The following CACNA2D1 variants were observed in gnomAD, a reference collection of about 807,000 sequenced individuals.
CACNA2D1 encodes the protein voltage-dependent calcium channel subunit alpha-2/delta-1.
A neutral mutation model predicts 171.5 loss-of-function variants in CACNA2D1; 53 were observed. That is an observed-to-expected ratio of 0.31 (90% CI 0.25 to 0.39). CACNA2D1 has a LOEUF of 0.39. Among genes scored for constraint, CACNA2D1 ranks in the 10% least tolerant of loss-of-function variants. The probability of loss-of-function intolerance (pLI) is 1.00; values close to 1 mark genes in which losing one functional copy is unlikely to be tolerated. For missense variants in CACNA2D1, 903 were observed against 1,299.8 expected (o/e 0.69, Z 4.69); for synonymous variants, 442 against 443.1 (o/e 1.00, Z 0.03).
At chr7:82,180,112 G>C (rs562375055) in intron 3 of CACNA2D1, among the ~76,000 whole-genome samples, 1 of 152,224 alleles carries the variant, frequency 6.6e-6, no homozygotes, top group African/African-American at 2.4e-5. Flanking sequence ...CATGAACAGA[G>C]GCAAAGAGAG....
At chr7:82,114,330 C>T in intron 6 of CACNA2D1, among the ~76,000 whole-genome samples, 1 of 152,134 alleles carries the variant, frequency 6.6e-6, no homozygotes, top group Non-Finnish European at 1.5e-5. Context: ...AATGCAGATT[C>T]TAATGCAAAG....
At chr7:82,002,880 CAA>C (rs940539693) in intron 18 of CACNA2D1, among the ~76,000 whole-genome samples, 2 of 136,606 alleles carry the variant, frequency 1.5e-5, no homozygotes, top group Admixed American at 7.4e-5. Flanking sequence ...TCATCTTCTA[CAA>C]AAAAAAAAAG....
At position 82,198,690 on chromosome 7, in the gene CACNA2D1, A is replaced by T. The variant is rs1355713372; in HGVS notation, c.295-28081T>A. ...AACTTTTTTTTTTTTTTTTAAGTGG[A>T]TACCCTTGCTTTCTGGAATTCCCAT... is the stretch of plus-strand genomic sequence containing the variant. On this transcript the variant is annotated intron_variant, in intron 3 of 38. Transcript: ENST00000356860. Among the ~76,000 whole-genome samples, 8 of 149,928 alleles carry T rather than the reference A, an allele frequency of 5.3e-5. 1 individual carries two copies. The South Asian group carries it at 1.5e-3, about 28-fold the overall frequency.
intron 3 of CACNA2D1, among the ~76,000 whole-genome samples, chr7:82,254,612 A>C (rs1416456603): frequency 6.6e-6 from 1 of 152,176 alleles, no homozygotes; most frequent in Non-Finnish European, 1.5e-5. Flanking sequence ...AGGAGGAAGA[A>C]ATAAAAGCAT....
intron 3 of CACNA2D1, among the ~76,000 whole-genome samples, chr7:82,196,096 C>T (rs1798827613): frequency 6.6e-6 from 1 of 152,106 alleles, no homozygotes; most frequent in East Asian, 1.9e-4. Context: ...CATCTTGATC[C>T]CCCTACCCAC....
chr7:81,979,823 A>C (rs947000081), intron 24 of CACNA2D1, among the ~76,000 whole-genome samples: 12 of 152,090 alleles, frequency 7.9e-5, no homozygotes, highest in Non-Finnish European at 1.5e-4. Context: ...TTTTAAGAAT[A>C]TTCTTTATAT....
At chr7:82,332,122 A>G (rs541636308) in intron 3 of CACNA2D1, among the ~76,000 whole-genome samples, 1 of 152,170 alleles carries the variant, frequency 6.6e-6, no homozygotes, top group Admixed American at 6.5e-5. Flanking sequence ...GTGCAGTGGC[A>G]TGGTCTCAGC....
chr7:82,051,122 G>A (rs904408607), intron 10 of CACNA2D1: 3 of 154,462 alleles, frequency 1.9e-5, no homozygotes, highest in African/African-American at 7.5e-5. Flanking sequence ...ACTGTGGGAA[G>A]CAAAGACTTT....
chr7:82,030,048 T>C (rs1052751158), intron 12 of CACNA2D1: 1 of 151,862 alleles, frequency 6.6e-6, no homozygotes, highest in African/African-American at 2.4e-5. Context: ...TTATTAGTTT[T>C]ATAAAAGTAC....
At chr7:81,963,974 C>T (rs1794437470) in intron 34 of CACNA2D1, 82 bp downstream of exon 34, 1 of 1,149,442 alleles carries the variant, frequency 8.7e-7, no homozygotes. Flanking sequence ...TGAATATCCC[C>T]TAAATCCATA....
Position 82,272,285 on chromosome 7 carries a change from C to T in CACNA2D1, c.294+62850G>A, listed in dbSNP as rs542712900. On this transcript the variant is annotated intron_variant, in intron 3 of 38. Coordinates refer to ENST00000356860, the MANE Select transcript of CACNA2D1 (RefSeq NM_000722.4). ...TTTTGTACTATAGGTAGTCCAGTGG[C>T]GGCATCAGTCATCCAATAGTAATAA... Among the ~76,000 whole-genome samples, 5 of 152,142 alleles carry T rather than the reference C, an allele frequency of 3.3e-5. No homozygotes were observed. In the South Asian group the frequency reaches 6.2e-4, roughly 19 times the overall value.
chr7:82,369,837 CA>C (rs1822171021), intron 1 of CACNA2D1, among the ~76,000 whole-genome samples: 1 of 151,818 alleles, frequency 6.6e-6, no homozygotes, highest in African/African-American at 2.4e-5. Flanking sequence ...TCAATTAAAA[CA>C]AAAAGAAAAC....
intron 3 of CACNA2D1, among the ~76,000 whole-genome samples, chr7:82,306,877 CAAA>C (rs56102718): frequency 0.18 from 24,138 of 134,270 alleles, 1,999 homozygotes; most frequent in South Asian, 0.29. Context: ...CGAAAAAATA[CAAA>C]AAAAAAAAAA....
Position 82,060,187 on chromosome 7 carries a change from ATATTATATATATATTATATAT to A in CACNA2D1, c.879+220_879+240del, listed in dbSNP as rs1359632330. The stretch of plus-strand genomic sequence containing the variant: ...TATAATATATATATATAATATATAT[ATATTATATATATATTATATAT>A]ATAATATATATATAATATATATATA... On this transcript the variant is annotated intron_variant, in intron 10 of 38. Coordinates refer to ENST00000356860, the MANE Select transcript of CACNA2D1 (RefSeq NM_000722.4). Among the ~76,000 whole-genome samples, 15 of 13,098 alleles carry A rather than the reference ATATTATATATATATTATATAT, an allele frequency of 1.1e-3. 3 individuals carry two copies. In the East Asian group the frequency reaches 0.054, roughly 47 times the overall value. The allele number at this position is 13,098 out of a possible 152,430, so 8.6% of individuals were successfully genotyped here. A position where few individuals can be genotyped will look rare whatever the true frequency, so the allele number is the denominator to read the frequency against.
At chr7:82,205,384 T>A (rs767622573) in intron 3 of CACNA2D1, among the ~76,000 whole-genome samples, 10 of 152,120 alleles carry the variant, frequency 6.6e-5, no homozygotes, top group African/African-American at 2.4e-4. Context: ...CTGCTCCTAT[T>A]AGAGTAGTAA....
chr7:82,242,805 A>T (rs1804468030), intron 3 of CACNA2D1, among the ~76,000 whole-genome samples: 1 of 60,528 alleles, frequency 1.7e-5, no homozygotes, highest in Non-Finnish European at 3.1e-5. Flanking sequence ...TATGAGTCAG[A>T]CTCAATACTG....
At chr7:82,051,268 A>G (rs1017004465) in intron 10 of CACNA2D1, among the ~76,000 whole-genome samples, 31 of 152,168 alleles carry the variant, frequency 2.0e-4, no homozygotes, top group African/African-American at 6.8e-4. Context: ...AAAAGCTTCC[A>G]GCTGGGAAAG....
At chr7:82,072,720 A>G (rs1808469474) in intron 7 of CACNA2D1, among the ~76,000 whole-genome samples, 1 of 152,134 alleles carries the variant, frequency 6.6e-6, no homozygotes, top group Middle Eastern at 3.4e-3. Flanking sequence ...TGTAGAAATT[A>G]AAATCATGAA....
At chr7:82,192,827 T>C (rs1331026446) in intron 3 of CACNA2D1, among the ~76,000 whole-genome samples, 25 of 150,354 alleles carry the variant, frequency 1.7e-4, no homozygotes. Flanking sequence ...ACAAACACTA[T>C]ACATTTGATC....
Sources: gnomAD v4.1 joint callset for allele counts (sites outside exome capture counted in the v4.1 genomes callset) on GRCh38, gnomAD v4.1.1 for gene constraint, MANE v1.5 for transcripts, NCBI Gene and HGNC (gene_info 2026-07-23, HGNC 2026-07-21) for gene names.